ZNF135: variants seen among roughly 807,000 people sequenced by gnomAD.
The protein encoded by ZNF135 is zinc finger protein 135 (clone pHZ-17).
A neutral mutation model predicts 12.3 loss-of-function variants in ZNF135; 11 were observed. The observed-to-expected ratio is 0.89, with a 90% CI of 0.56 to 1.48. The LOEUF (loss-of-function observed/expected upper bound fraction) is 1.48. Ranked by LOEUF, ZNF135 falls within the 40% of genes most tolerant of loss-of-function variation. The pLI is 0.00. For synonymous variants in ZNF135, 316 were observed against 312.0 expected, an observed-to-expected ratio of 1.01 and a Z score of -0.14; for missense variants, 722 against 815.7, an observed-to-expected ratio of 0.89 and a Z score of 1.40.
intron 3 of ZNF135, among the ~76,000 whole-genome samples, chr19:58,062,306 C>T (rs2073994711): frequency 6.6e-6 from 1 of 152,130 alleles, no homozygotes; most frequent in South Asian, 2.1e-4. Flanking sequence ...TCCCCAAGGC[C>T]CCACCTCAAC....
chr19:58,067,955 G>A lies in ZNF135; in HGVS notation c.1471G>A (p.Glu491Lys). 1 of 1,613,962 alleles carries A rather than the reference G, an allele frequency of 6.2e-7. No homozygotes were observed. Residue 491 changes from glutamate (E) to lysine (K), a missense_variant, in exon 5 of 5, where the codon GAG becomes AAG. Physicochemically the swap from Glu to Lys is moderately conservative, Grantham distance 56 (BLOSUM62 1). Coordinates refer to ENST00000313434, the MANE Select transcript of ZNF135 (RefSeq NM_001289401.2). ...LTQHQRIHTG[E>K]KPYECNDCGK... ...CCAACACCAGCGAATCCACACAGGGGAGAAGCCCTATGAATGCAATGACTG... is the reference window on the plus strand; with the variant it reads ...CCAACACCAGCGAATCCACACAGGGAAGAAGCCCTATGAATGCAATGACTG...
Position 58,060,011 on chromosome 19 carries a change from T to G in ZNF135, c.9T>G (p.Pro3=), listed in dbSNP as rs2073941536. The part of the protein sequence containing the change: MT[P]GVRVSTDPEQ... ...CTGCCAGAAGCCAGGGCATGACCCC[T>G]GGGGTGCGCGTCTCCACAGACCCGG... Residue 3 remains proline, a synonymous_variant, in exon 2 of 5, where the codon CCT becomes CCG. Coordinates refer to ENST00000313434, the MANE Select transcript of ZNF135 (RefSeq NM_001289401.2). The surrounding 1 kb of genome is among the most constrained non-coding windows in gnomAD (Gnocchi z 4.9). 1 of 1,613,490 alleles carries G rather than the reference T, an allele frequency of 6.2e-7. No individual in the cohort carries two copies. Among genetic ancestry groups the G allele is most frequent in the Non-Finnish European group, 8.5e-7 (1 of 1,179,838 alleles).
At position 58,061,588 on chromosome 19, in the gene ZNF135, G is replaced by A. The variant is rs1460345841; in HGVS notation, c.42G>A (p.Val14=). 1.1e-5 allele frequency: 18 copies of A among 1,612,758 alleles called. No individual in the cohort carries two copies. Among genetic ancestry groups the A allele is most frequent in the Non-Finnish European group, 1.5e-5 (18 of 1,179,478 alleles). ...CTCGTGTGATGTTTCAGGAGCAAGTGACGTTTGAGGACGTGGTAGTGGGCT... is the reference window on the plus strand; with the variant it reads ...CTCGTGTGATGTTTCAGGAGCAAGTAACGTTTGAGGACGTGGTAGTGGGCT... The part of the protein sequence containing the change: ...GVRVSTDPEQ[V]TFEDVVVGFS... The change falls in exon 3 of 5, where the codon GTG becomes GTA. Residue 14 remains valine, a synonymous_variant. Transcript: ENST00000313434.
At position 58,068,170 on chromosome 19, in the gene ZNF135, C is replaced by A; in HGVS notation, c.1686C>A (p.Ser562Arg). 1.2e-6 allele frequency: 2 copies of A among 1,613,984 alleles called. No homozygotes were observed. Among genetic ancestry groups the A allele is most frequent in the Admixed American group, 3.3e-5 (2 of 60,004 alleles). The change falls in exon 5 of 5, where the codon AGC becomes AGA. Residue 562 changes from serine to arginine, a missense_variant. Physicochemically the swap from Ser to Arg is moderately radical, Grantham distance 110. Transcript: ENST00000313434. ...AGTGTGGCAGAGCCTTCAGCCAGAG[C>A]TCCCTTCTCATCGAACACCAGAGGA... ...CNQCGRAFSQ[S>R]SLLIEHQRIH...
chr19:58,060,108 C>A lies in ZNF135; in HGVS notation c.33+73C>A. The A allele has an allele frequency of 6.2e-7, 1 of 1,602,834 alleles. No homozygotes were observed. The highest frequency in any genetic ancestry group is 1.1e-5 in the South Asian group (1 of 90,732). On this transcript the variant is annotated intron_variant, in intron 2 of 4. Coordinates refer to ENST00000313434, the MANE Select transcript of ZNF135 (RefSeq NM_001289401.2). This position sits in a 1 kb window ranked among gnomAD's most constrained non-coding sequence, Gnocchi z 4.9. ...CTCCTCGCGCGCGGCCTTCTCACGCCCGGCCTCCTCTTTGCACCCCGTCCC... is the reference window on the plus strand; with the variant it reads ...CTCCTCGCGCGCGGCCTTCTCACGCACGGCCTCCTCTTTGCACCCCGTCCC...
At chr19:58,066,595 A>G (rs2074069859) in intron 4 of ZNF135, 146 bp from the exon 5 acceptor site, 1 of 1,150,582 alleles carries the variant, frequency 8.7e-7, no homozygotes, top group Non-Finnish European at 1.2e-6. Flanking sequence ...CCTGGTTTGC[A>G]AAACTATATT....
intron 4 of ZNF135, among the ~76,000 whole-genome samples, chr19:58,064,309 C>G (rs2074031741): frequency 6.6e-6 from 1 of 152,132 alleles, no homozygotes; most frequent in South Asian, 2.1e-4. Context: ...CCTCCTGCAA[C>G]CAGTTACAAA....
In ZNF135 at chr19:58,068,680, A is replaced by T. The variant is rs2074120773; in HGVS notation, c.*219A>T. On this transcript the variant is annotated 3_prime_UTR_variant, in exon 5 of 5. Transcript: ENST00000313434. ...CATCTCTGCATCCAAATAGTAGGGA[A>T]ACGTGGAGATAATCAACACTCAGGA... is the stretch of plus-strand genomic sequence containing the variant. 2 of 558,868 alleles carry T rather than the reference A, an allele frequency of 3.6e-6. No homozygotes were observed. The highest frequency in any genetic ancestry group is 2.9e-5 in the East Asian group (1 of 33,922). The allele number at this position is 558,868 out of a possible 1,614,324, so 34.6% of individuals were successfully genotyped here.
At chr19:58,066,296 T>G (rs868845440) in intron 4 of ZNF135, among the ~76,000 whole-genome samples, 1 of 152,188 alleles carries the variant, frequency 6.6e-6, no homozygotes, top group African/African-American at 2.4e-5. Context: ...ACTTTCCCCA[T>G]GCAGCACGTT....
In ZNF135 at chr19:58,059,996, C is replaced by T. The variant is rs1389661419; in HGVS notation, c.-7C>T. ...CAGGGCCAGCCGTTCCTGCCAGAAG[C>T]CAGGGCATGACCCCTGGGGTGCGCG... On this transcript the variant is annotated 5_prime_UTR_variant, in exon 2 of 5. Transcript: ENST00000313434. This position sits in a 1 kb window ranked among gnomAD's most constrained non-coding sequence, Gnocchi z 6.5. 1 of 1,613,356 alleles carries T rather than the reference C, an allele frequency of 6.2e-7. No homozygotes were observed. Among genetic ancestry groups the T allele is most frequent in the East Asian group, 2.2e-5 (1 of 44,868 alleles).
upstream of ZNF135, chr19:58,059,272 G>A (rs557281454): frequency 9.5e-6 from 15 of 1,575,216 alleles, no homozygotes; most frequent in South Asian, 2.2e-5. The surrounding 1 kb of genome is among the most constrained non-coding windows in gnomAD (Gnocchi z 6.5). Flanking sequence ...GCGCAGTGTC[G>A]GCTGCCGGTG....
Position 58,066,842 on chromosome 19 carries a change from G to C in ZNF135, c.358G>C (p.Gly120Arg), listed in dbSNP as rs1224143618. The C allele has an allele frequency of 1.5e-5, 24 of 1,614,244 alleles. No homozygotes were observed. The highest frequency in any genetic ancestry group is 2.2e-5 in the East Asian group (1 of 44,882). The change falls in exon 5 of 5, where the codon GGT (glycine) becomes CGT (arginine). Residue 120 changes from glycine (G) to arginine (R), a missense_variant. Transcript: ENST00000313434. ...VILVERFLWDGLWYCRGEDTE... is the reference protein window; with the variant it reads ...VILVERFLWDRLWYCRGEDTE... ...CTTGGTAGAAAGATTCCTGTGGGAT[G>C]GTCTGTGGTACTGCAGGGGTGAGGA... is the stretch of plus-strand genomic sequence containing the variant.
At chr19:58,061,498 G>A in intron 2 of ZNF135, 82 bp from the exon 3 acceptor site, 1 of 1,530,932 alleles carries the variant, frequency 6.5e-7, no homozygotes, top group Non-Finnish European at 8.8e-7. Context: ...ATCCGACCCA[G>A]CCTGGCTGGC....
chr19:58,068,682 C>G lies in ZNF135; in HGVS notation c.*221C>G, dbSNP rs962967381. The G allele has an allele frequency of 6.2e-5, 34 of 551,242 alleles. No homozygotes were observed. In the Admixed American group the frequency reaches 1.1e-3, roughly 18 times the overall value. The allele number at this position is 551,242 out of a possible 1,614,324, so 34.1% of individuals were successfully genotyped here. A position where few individuals can be genotyped will look rare whatever the true frequency, so the allele number is the denominator to read the frequency against. On this transcript the variant is annotated 3_prime_UTR_variant, in exon 5 of 5. Coordinates refer to ENST00000313434, the MANE Select transcript of ZNF135 (RefSeq NM_001289401.2). Reference sequence around the variant, plus strand: ...TCTCTGCATCCAAATAGTAGGGAAACGTGGAGATAATCAACACTCAGGACC... The same window carrying G: ...TCTCTGCATCCAAATAGTAGGGAAAGGTGGAGATAATCAACACTCAGGACC...
rs1477648168 is a variant in ZNF135, at chr19:58,060,988, G to GC, written c.34-592_34-591insC. Among the ~76,000 whole-genome samples, 6 of 151,818 alleles carry GC rather than the reference G, an allele frequency of 4.0e-5. 1 individual carries two copies. The South Asian group carries it at 6.2e-4, about 16-fold the overall frequency. ...AAAAATACAAAAAAAAATTAGCCGG[G>GC]GGGGTGGCGGGCGCCTGTAGTCCCA... On this transcript the variant is annotated intron_variant, in intron 2 of 4. Coordinates refer to ENST00000313434, the MANE Select transcript of ZNF135 (RefSeq NM_001289401.2). This position sits in a 1 kb window ranked among gnomAD's most constrained non-coding sequence, Gnocchi z 4.9.
At position 58,059,439 on chromosome 19, in the gene ZNF135, T is replaced by A; in HGVS notation, c.-35+129T>A. Reference sequence around the variant, plus strand: ...TCCAGCAGCGCGCGTCTGTGTGGAGTCCGTTTTGCTGCCCGGGGCCTGGGG... The same window carrying A: ...TCCAGCAGCGCGCGTCTGTGTGGAGACCGTTTTGCTGCCCGGGGCCTGGGG... On this transcript the variant is annotated intron_variant, in intron 1 of 4. Coordinates refer to ENST00000313434, the MANE Select transcript of ZNF135 (RefSeq NM_001289401.2). This position sits in a 1 kb window ranked among gnomAD's most constrained non-coding sequence, Gnocchi z 6.5. The A allele has an allele frequency of 2.0e-6, 2 of 1,012,982 alleles. No homozygotes were observed. The highest frequency in any genetic ancestry group is 2.7e-6 in the Non-Finnish European group (2 of 736,056). The allele number at this position is 1,012,982 out of a possible 1,614,324, so 62.7% of individuals were successfully genotyped here.
At position 58,063,426 on chromosome 19, in the gene ZNF135, A is replaced by G; in HGVS notation, c.161-20A>G. The G allele has an allele frequency of 1.9e-6, 3 of 1,613,630 alleles. No homozygotes were observed. Among genetic ancestry groups the G allele is most frequent in the South Asian group, 2.2e-5 (2 of 91,052 alleles). On this transcript the variant is annotated intron_variant, in intron 3 of 4. Coordinates refer to ENST00000313434, the MANE Select transcript of ZNF135 (RefSeq NM_001289401.2). The surrounding 1 kb of genome is among the most constrained non-coding windows in gnomAD (Gnocchi z 4.4). ...GTCCTGGGATACAAATGCTCACTCTATGGGTCTCTCCCTGAGCAGGACATT... is the reference window on the plus strand; with the variant it reads ...GTCCTGGGATACAAATGCTCACTCTGTGGGTCTCTCCCTGAGCAGGACATT...
chr19:58,066,230 C>G (rs565603184), intron 4 of ZNF135, among the ~76,000 whole-genome samples: 2 of 152,196 alleles, frequency 1.3e-5, no homozygotes, highest in African/African-American at 4.8e-5. Context: ...TCCTTTACAT[C>G]TAGAGTGAGG....
chr19:58,061,669 T>C lies in ZNF135; in HGVS notation c.123T>C (p.Asp41=). 1 of 1,613,326 alleles carries C rather than the reference T, an allele frequency of 6.2e-7. No individual in the cohort carries two copies. Among genetic ancestry groups the C allele is most frequent in the East Asian group, 2.2e-5 (1 of 44,834 alleles). ...LKPAQRTLYR[D]VMLDTFRLLV... ...CTGCCCAGAGGACCCTGTACCGTGA[T>C]GTAATGCTGGACACCTTCAGGCTTC... is the stretch of plus-strand genomic sequence containing the variant. Residue 41 remains aspartate, a synonymous_variant, in exon 3 of 5, where the codon GAT becomes GAC. Transcript: ENST00000313434.
Sources: allele counts gnomAD v4.1 joint callset (sites outside exome capture counted in the v4.1 genomes callset), GRCh38; gene constraint gnomAD v4.1.1; non-coding constraint Gnocchi (gnomAD v3.1); transcripts MANE v1.5; gene names NCBI Gene and HGNC (gene_info 2026-07-23, HGNC 2026-07-21).